SLC22A15: variants seen among roughly 807,000 people sequenced by gnomAD.
SLC22A15 encodes the protein solute carrier family 22 member 15.
SLC22A15 carries 45 observed loss-of-function variants against 62.7 expected under a neutral mutation model. The ratio of observed to expected loss-of-function variants is 0.72; its 90% CI spans 0.56 to 0.92. SLC22A15 has a LOEUF of 0.92. SLC22A15 is among the 40% of genes least tolerant of loss of function. The pLI is 0.00. For missense variants in SLC22A15, 622 were observed against 665.6 expected (o/e 0.93, Z 0.72); for synonymous variants, 264 against 267.0 (o/e 0.99, Z 0.11).
intron 1 of SLC22A15, among the ~76,000 whole-genome samples, chr1:115,978,895 G>A (rs1198510057): frequency 6.6e-6 from 1 of 152,100 alleles, no homozygotes; most frequent in Non-Finnish European, 1.5e-5. Context: ...GGGTTTTTCT[G>A]CTTTTAAAAT....
intron 1 of SLC22A15, among the ~76,000 whole-genome samples, chr1:115,989,521 C>G (rs961388988): frequency 1.3e-5 from 2 of 152,172 alleles, no homozygotes; most frequent in African/African-American, 4.8e-5. Flanking sequence ...TGGCTCATGC[C>G]TGTAATCCCA....
chr1:115,989,166 G>T (rs531652831), intron 1 of SLC22A15, among the ~76,000 whole-genome samples: 1 of 152,066 alleles, frequency 6.6e-6, no homozygotes, highest in East Asian at 1.9e-4. Context: ...GGAGGTGGGT[G>T]AGGAAGACAT....
At chr1:115,999,095 C>T (rs1180054331) in intron 2 of SLC22A15, among the ~76,000 whole-genome samples, 1 of 152,228 alleles carries the variant, frequency 6.6e-6, no homozygotes, top group Non-Finnish European at 1.5e-5. Context: ...CAAAGTTCCA[C>T]TAGTTACTGA....
intron 5 of SLC22A15, chr1:116,027,330 C>T (rs1406221035): frequency 1.9e-6 from 1 of 537,492 alleles, no homozygotes; most frequent in East Asian, 5.1e-5. Flanking sequence ...GGTCTTCAGA[C>T]TGGATCACAT....
In SLC22A15 at chr1:116,019,682, A is replaced by G. The variant is rs1388139086; in HGVS notation, c.401A>G (p.Asp134Gly). The change falls in exon 3 of 12, where the codon GAT becomes GGT. Residue 134 changes from aspartate (D) to glycine (G), a missense_variant. Physicochemically the swap from Asp to Gly is moderately conservative, Grantham distance 94. Coordinates refer to ENST00000369503, the MANE Select transcript of SLC22A15 (RefSeq NM_018420.3). The part of the protein sequence containing the change: ...VGVISFGQLS[D>G]RFGRKKVYLT... Reference sequence around the variant, plus strand: ...GTTATCTCTTTTGGTCAGCTTTCAGATCGCTTCGGAAGGAAAAAAGTCTAT... The same window carrying G: ...GTTATCTCTTTTGGTCAGCTTTCAGGTCGCTTCGGAAGGAAAAAAGTCTAT... 5.0e-6 allele frequency: 8 copies of G among 1,613,660 alleles called. No individual in the cohort carries two copies. Among genetic ancestry groups the G allele is most frequent in the Non-Finnish European group, 6.8e-6 (8 of 1,179,800 alleles).
At chr1:115,993,619 G>C (rs1655267317) in intron 2 of SLC22A15, among the ~76,000 whole-genome samples, 1 of 152,034 alleles carries the variant, frequency 6.6e-6, no homozygotes, top group South Asian at 2.1e-4. Flanking sequence ...AGTCCTCCGT[G>C]GAGTGCCCCA....
intron 8 of SLC22A15, among the ~76,000 whole-genome samples, chr1:116,043,351 G>C (rs531815415): frequency 2.0e-5 from 3 of 152,092 alleles, no homozygotes; most frequent in Non-Finnish European, 4.4e-5. Flanking sequence ...CCTTGAACCC[G>C]GGAGGTGGAG....
intron 4 of SLC22A15, 127 bp from the exon 5 acceptor site, chr1:116,026,765 GT>G: frequency 1.0e-6 from 1 of 989,500 alleles, no homozygotes; most frequent in East Asian, 2.7e-5. Flanking sequence ...CTTTTCTGGT[GT>G]GCCTCTTATA....
At chr1:116,033,169 C>G (rs1425392192) in intron 6 of SLC22A15, among the ~76,000 whole-genome samples, 3 of 152,132 alleles carry the variant, frequency 2.0e-5, no homozygotes, top group African/African-American at 7.2e-5. Context: ...TTCAAGAAAG[C>G]CTTAACTGGG....
At chr1:116,019,772 A>G (rs999290348) in intron 3 of SLC22A15, 58 bp downstream of exon 3, 2 of 1,542,428 alleles carry the variant, frequency 1.3e-6, no homozygotes, top group East Asian at 2.3e-5. Context: ...TAAGATTCTT[A>G]GGGAAATAAT....
At chr1:116,054,796 G>A (rs1452394580) in intron 8 of SLC22A15, among the ~76,000 whole-genome samples, 2 of 152,126 alleles carry the variant, frequency 1.3e-5, no homozygotes, top group African/African-American at 2.4e-5. Flanking sequence ...ACCTGCTCCC[G>A]AATGACTACT....
chr1:116,001,163 A>G (rs936317826), intron 2 of SLC22A15, among the ~76,000 whole-genome samples: 1 of 152,012 alleles, frequency 6.6e-6, no homozygotes, highest in Admixed American at 6.5e-5. Context: ...TTCTCTCCTG[A>G]TCTGTTAGGT....
At chr1:116,066,822 G>T (rs552473816) in intron 11 of SLC22A15, 114 bp downstream of exon 11, 15 of 1,099,598 alleles carry the variant, frequency 1.4e-5, no homozygotes, top group East Asian at 5.2e-5. Flanking sequence ...ACAAAAGTGG[G>T]ATCTAACAGC....
In SLC22A15 at chr1:116,037,830, G is replaced by A. The variant is rs180755484; in HGVS notation, c.1171+442G>A. Among the ~76,000 whole-genome samples, 526 of 152,250 alleles carry A rather than the reference G, an allele frequency of 3.5e-3. 1 individual carries two copies. The highest frequency in any genetic ancestry group is 6.2e-3 in the Non-Finnish European group (423 of 68,022). The stretch of plus-strand genomic sequence containing the variant: ...TCCACCATGACTCTCAAGGAACTCC[G>A]ACAACAAGAATAATGGGGATGGTAT... On this transcript the variant is annotated intron_variant, in intron 8 of 11. Coordinates refer to ENST00000369503, the MANE Select transcript of SLC22A15 (RefSeq NM_018420.3).
Position 116,067,186 on chromosome 1 carries a change from A to G in SLC22A15, c.*78A>G, listed in dbSNP as rs1658519056. 1 of 1,079,236 alleles carries G rather than the reference A, an allele frequency of 9.3e-7. No homozygotes were observed. The highest frequency in any genetic ancestry group is 1.4e-5 in the South Asian group (1 of 73,682). The allele number at this position is 1,079,236 out of a possible 1,614,324, so 66.9% of individuals were successfully genotyped here. On this transcript the variant is annotated 3_prime_UTR_variant, in exon 12 of 12. Transcript: ENST00000369503. ...TAAGGCAGGTTCTTCCATGACTCCTAAGAGAGTTGTAAAAATAGAGGCTTG... is the reference window on the plus strand; with the variant it reads ...TAAGGCAGGTTCTTCCATGACTCCTGAGAGAGTTGTAAAAATAGAGGCTTG...
At chr1:116,017,170 T>C (rs993200726) in intron 2 of SLC22A15, among the ~76,000 whole-genome samples, 2 of 152,076 alleles carry the variant, frequency 1.3e-5, no homozygotes, top group African/African-American at 4.8e-5. Context: ...TGTGGTTGGT[T>C]ACTTGTCATC....
At chr1:116,031,782 G>A in intron 6 of SLC22A15, 5 of 1,420,060 alleles carry the variant, frequency 3.5e-6, no homozygotes, top group Non-Finnish European at 4.6e-6. Context: ...GCAGATGATA[G>A]TGCCTGATGG....
At position 116,069,489 on chromosome 1, in the gene SLC22A15, T is replaced by G. The variant is rs1315770989; in HGVS notation, c.*2381T>G. Reference sequence around the variant, plus strand: ...AATTCTATTCAAAATTAAAAATTTTTTTTCCTAAAATAAAGCAAGAAAAAT... The same window carrying G: ...AATTCTATTCAAAATTAAAAATTTTGTTTCCTAAAATAAAGCAAGAAAAAT... On this transcript the variant is annotated 3_prime_UTR_variant, in exon 12 of 12. Coordinates refer to ENST00000369503, the MANE Select transcript of SLC22A15 (RefSeq NM_018420.3). 2.0e-5 allele frequency: 3 copies of G among 152,138 alleles called. No homozygotes were observed. Among genetic ancestry groups the G allele is most frequent in the Non-Finnish European group, 4.4e-5 (3 of 68,008 alleles). The allele number at this position is 152,138 out of a possible 1,614,324, so 9.4% of individuals were successfully genotyped here.
Position 116,064,493 on chromosome 1 carries a change from C to T in SLC22A15, c.1350C>T (p.Pro450=). The T allele has an allele frequency of 6.2e-7, 1 of 1,612,462 alleles. No individual in the cohort carries two copies. The highest frequency in any genetic ancestry group is 1.3e-5 in the African/African-American group (1 of 74,978). Residue 450 remains proline (P), a synonymous_variant, in exon 10 of 12, where the codon CCC becomes CCT. Coordinates refer to ENST00000369503, the MANE Select transcript of SLC22A15 (RefSeq NM_018420.3). ...CCCGAGTTGGTGGGATTATTGCTCC[C>T]TTCATCCCCTCACTGGTTGGTTTGT... is the stretch of plus-strand genomic sequence containing the variant. ...MFSRVGGIIA[P]FIPSLKYVQW...
Sources: gnomAD v4.1 joint callset for allele counts (sites outside exome capture counted in the v4.1 genomes callset) on GRCh38, gnomAD v4.1.1 for gene constraint, MANE v1.5 for transcripts, NCBI Gene and HGNC (gene_info 2026-07-23, HGNC 2026-07-21) for gene names.